SPIDR: variants seen among roughly 807,000 people sequenced by gnomAD.
SPIDR encodes the protein DNA repair-scaffolding protein.
A neutral mutation model predicts 104.6 loss-of-function variants in SPIDR; 93 were observed. The observed-to-expected ratio is 0.89, with a 90% confidence interval of 0.75 to 1.06. SPIDR has a LOEUF of 1.06. Among genes scored for constraint, SPIDR ranks in the 50% least tolerant of loss-of-function variants. The probability of loss-of-function intolerance (pLI) is 0.00; values close to 1 mark genes in which losing one functional copy is unlikely to be tolerated. For synonymous variants in SPIDR, 431 were observed against 416.9 expected (o/e 1.03, Z -0.41); for missense variants, 1,154 against 1,111.2 (o/e 1.04, Z -0.55).
At chr8:47,691,445 G>C (rs1360492672) in intron 11 of SPIDR, among the ~76,000 whole-genome samples, 1 of 152,184 alleles carries the variant, frequency 6.6e-6, no homozygotes, top group Non-Finnish European at 1.5e-5. Context: ...CAGAATGCCT[G>C]ATCAGTTTCC....
At chr8:47,462,763 C>G (rs1423360353) in intron 8 of SPIDR, among the ~76,000 whole-genome samples, 2 of 152,110 alleles carry the variant, frequency 1.3e-5, no homozygotes, top group Admixed American at 6.6e-5. Context: ...TAGAGAAAAT[C>G]AGAGAGCATT....
At chr8:47,480,496 T>C (rs934068575) in intron 8 of SPIDR, among the ~76,000 whole-genome samples, 2 of 152,210 alleles carry the variant, frequency 1.3e-5, no homozygotes, top group Non-Finnish European at 2.9e-5. Context: ...TTCCAGCTCT[T>C]AAAAATGAGG....
At chr8:47,271,639 A>G (rs1285449765) in intron 1 of SPIDR, among the ~76,000 whole-genome samples, 2 of 151,802 alleles carry the variant, frequency 1.3e-5, no homozygotes, top group African/African-American at 2.4e-5. Flanking sequence ...CACTTTTTGG[A>G]TATAGTTTCC....
chr8:47,579,226 T>G (rs1467678593), intron 8 of SPIDR, among the ~76,000 whole-genome samples: 1 of 152,166 alleles, frequency 6.6e-6, no homozygotes, highest in Non-Finnish European at 1.5e-5. Context: ...GTGTCCAAAG[T>G]CACAAACAGA....
At chr8:47,690,185 C>T (rs2078437582) in intron 11 of SPIDR, among the ~76,000 whole-genome samples, 1 of 151,654 alleles carries the variant, frequency 6.6e-6, no homozygotes, top group African/African-American at 2.4e-5. Flanking sequence ...TAAGTACCAC[C>T]AGGACAGAAG....
chr8:47,718,413 G>A (rs2082882210), intron 16 of SPIDR, among the ~76,000 whole-genome samples: 2 of 151,938 alleles, frequency 1.3e-5, no homozygotes, highest in Admixed American at 6.6e-5. Context: ...AAATTGGTGG[G>A]ATCAACGTTT....
intron 8 of SPIDR, among the ~76,000 whole-genome samples, chr8:47,560,802 C>G (rs1036338141): frequency 1.3e-5 from 2 of 152,164 alleles, no homozygotes; most frequent in Non-Finnish European, 2.9e-5. Flanking sequence ...GAGACTCCCA[C>G]ATTTTGCCAC....
chr8:47,544,580 A>G (rs1178570339), intron 8 of SPIDR, among the ~76,000 whole-genome samples: 1 of 152,134 alleles, frequency 6.6e-6, no homozygotes, highest in Non-Finnish European at 1.5e-5. Flanking sequence ...TGGGTGTCCA[A>G]TTTCTCCACC....
chr8:47,536,100 A>G (rs2086867293), intron 8 of SPIDR, among the ~76,000 whole-genome samples: 1 of 151,488 alleles, frequency 6.6e-6, no homozygotes, highest in Admixed American at 6.6e-5. Flanking sequence ...ATATATATAT[A>G]TATAAGATCT....
chr8:47,486,645 G>A (rs1172198635), intron 8 of SPIDR, among the ~76,000 whole-genome samples: 4 of 152,182 alleles, frequency 2.6e-5, no homozygotes, highest in East Asian at 1.9e-4. Context: ...GACTAACAGC[G>A]GATCTCTCGG....
At chr8:47,727,149 C>CA (rs2084371354) in intron 16 of SPIDR, 51 bp from the exon 17 acceptor site, 9 of 1,549,614 alleles carry the variant, frequency 5.8e-6, no homozygotes, top group Non-Finnish European at 8.0e-6. Context: ...GCAGAGGAGT[C>CA]AGAGAGGGCA....
At chr8:47,345,870 C>T (rs946980362) in intron 5 of SPIDR, among the ~76,000 whole-genome samples, 1 of 152,112 alleles carries the variant, frequency 6.6e-6, no homozygotes, top group Non-Finnish European at 1.5e-5. Flanking sequence ...GGGGTTGAGA[C>T]GATGGGGTTT....
intron 5 of SPIDR, among the ~76,000 whole-genome samples, chr8:47,297,240 A>C (rs2041022513): frequency 6.6e-6 from 1 of 152,028 alleles, no homozygotes; most frequent in Non-Finnish European, 1.5e-5. Flanking sequence ...AGGACATCTA[A>C]CTCTGTTGAA....
intron 5 of SPIDR, among the ~76,000 whole-genome samples, chr8:47,356,681 A>G (rs2054615539): frequency 6.6e-6 from 1 of 152,166 alleles, no homozygotes; most frequent in African/African-American, 2.4e-5. Flanking sequence ...TTCCAGAAGA[A>G]ATTTTAGTGG....
At chr8:47,660,903 G>A (rs1203034237) in intron 10 of SPIDR, 21 of 975,144 alleles carry the variant, frequency 2.2e-5, no homozygotes, top group Admixed American at 1.2e-4. Flanking sequence ...GTAACAATGC[G>A]CATTTGTCTG....
At chr8:47,588,033 ATATATAT>A (rs2060472097) in intron 8 of SPIDR, among the ~76,000 whole-genome samples, 1,008 of 23,286 alleles carry the variant, frequency 0.043, 130 homozygotes, top group Non-Finnish European at 0.056. Flanking sequence ...TAGCATATAT[ATATATAT>A]ATATATATAT....
intron 10 of SPIDR, among the ~76,000 whole-genome samples, chr8:47,642,194 C>T (rs1049615390): frequency 1.3e-5 from 2 of 151,798 alleles, no homozygotes; most frequent in Non-Finnish European, 2.9e-5. Flanking sequence ...GAGGCCGAGG[C>T]AGGCGGATCA....
At chr8:47,664,350 G>C (rs2074579233) in intron 10 of SPIDR, among the ~76,000 whole-genome samples, 1 of 152,102 alleles carries the variant, frequency 6.6e-6, no homozygotes, top group African/African-American at 2.4e-5. Context: ...GAGAGGTCCA[G>C]ATGTTTGATT....
intron 8 of SPIDR, among the ~76,000 whole-genome samples, chr8:47,591,549 T>C (rs1484465588): frequency 6.6e-6 from 1 of 152,054 alleles, no homozygotes; most frequent in Non-Finnish European, 1.5e-5. Context: ...CAAGCTTTTT[T>C]TGAAGGGGGG....
Sources: allele counts gnomAD v4.1 joint callset (sites outside exome capture counted in the v4.1 genomes callset), GRCh38; gene constraint gnomAD v4.1.1; transcripts MANE v1.5; gene names NCBI Gene and HGNC (gene_info 2026-07-23, HGNC 2026-07-21).